The following NFX1 variants were observed in gnomAD, a reference collection of about 807,000 sequenced individuals.
NFX1 encodes nuclear transcription factor, X-box binding 1.
NFX1 carries 69 observed loss-of-function variants against 137.2 expected under a neutral mutation model. The ratio of observed to expected loss-of-function variants is 0.50; its 90% CI spans 0.41 to 0.61. The LOEUF (loss-of-function observed/expected upper bound fraction) is 0.61. Among genes scored for constraint, NFX1 ranks in the 20% least tolerant of loss-of-function variants. The pLI is 0.00. For synonymous variants in NFX1, 495 were observed against 474.1 expected (o/e 1.04, Z -0.57); for missense variants, 1,167 against 1,391.0 (o/e 0.84, Z 2.56).
At chr9:33,325,161 C>G (rs556676434) in intron 9 of NFX1, among the ~76,000 whole-genome samples, 44 of 151,936 alleles carry the variant, frequency 2.9e-4, no homozygotes, top group Non-Finnish European at 3.5e-4. Context: ...TCAGTAAACT[C>G]CAGGTAGGAA....
intron 9 of NFX1, among the ~76,000 whole-genome samples, chr9:33,320,273 A>G (rs1355426437): frequency 2.6e-5 from 4 of 151,834 alleles, no homozygotes; most frequent in Non-Finnish European, 5.9e-5. Context: ...CTGGATGAAT[A>G]TTTTTCTAAA....
chr9:33,317,285 G>A (rs1822196008), intron 7 of NFX1, among the ~76,000 whole-genome samples: 1 of 151,616 alleles, frequency 6.6e-6, no homozygotes, highest in Admixed American at 6.6e-5. Flanking sequence ...CAGGTGTAGT[G>A]GCACGCACCT....
intron 2 of NFX1, among the ~76,000 whole-genome samples, chr9:33,299,339 A>T (rs988443953): frequency 2.0e-5 from 3 of 152,172 alleles, no homozygotes; most frequent in Non-Finnish European, 4.4e-5. Context: ...CAGTTTCTTC[A>T]TCTTTCCTTT....
intron 19 of NFX1, among the ~76,000 whole-genome samples, chr9:33,361,210 A>G (rs1225626659): frequency 3.9e-5 from 6 of 152,326 alleles, no homozygotes; most frequent in Middle Eastern, 3.4e-3. Flanking sequence ...TTAGAAGACT[A>G]TGAGCCATGA....
Position 33,301,231 on chromosome 9 carries a change from TAATCTTTTTTGTTATTTTGTTTTTTAA to T in NFX1, c.1034-30_1034-4del, listed in dbSNP as rs765617069. On this transcript the variant is annotated splice_polypyrimidine_tract_variant and splice_region_variant and intron_variant, in intron 2 of 23. Coordinates refer to ENST00000379540, the MANE Select transcript of NFX1 (RefSeq NM_002504.6). ...GAGGAATGGTTTTTTGTGTTTGAGT[TAATCTTTTTTGTTATTTTGTTTTTTAA>T]ACAGGTTCTCTAATTGAACAACTAA... 1.9e-6 allele frequency: 3 copies of T among 1,597,534 alleles called. No homozygotes were observed. The African/African-American group carries it at 4.0e-5, about 22-fold the overall frequency.
rs561386439 is a variant in NFX1 at position 33,361,468 on chromosome 9, C to T, written c.2874-2542C>T. ...GAGACAATTTTGAATATAATAATGG[C>T]GGTACTTAAAATTATAGAGAAAGGC... On this transcript the variant is annotated intron_variant, in intron 19 of 23. Coordinates refer to ENST00000379540, the MANE Select transcript of NFX1 (RefSeq NM_002504.6). 5.3e-5 allele frequency among the ~76,000 whole-genome samples: 8 copies of T among 151,968 alleles called. No homozygotes were observed. The South Asian group carries it at 1.2e-3, about 24-fold the overall frequency.
intron 1 of NFX1, among the ~76,000 whole-genome samples, chr9:33,292,007 A>G (rs1428781265): frequency 6.6e-6 from 1 of 152,110 alleles, no homozygotes; most frequent in Admixed American, 6.5e-5. Flanking sequence ...GTATTTTGTT[A>G]TTCTCCTCAC....
intron 9 of NFX1, among the ~76,000 whole-genome samples, chr9:33,325,480 G>A (rs986536271): frequency 1.3e-5 from 2 of 152,064 alleles, no homozygotes; most frequent in African/African-American, 2.4e-5. Context: ...TGGCTAACAC[G>A]GTGAAACCCT....
At chr9:33,324,966 G>A (rs1822526808) in intron 9 of NFX1, among the ~76,000 whole-genome samples, 1 of 151,366 alleles carries the variant, frequency 6.6e-6, no homozygotes, top group South Asian at 2.1e-4. Flanking sequence ...ATAACCCAAC[G>A]GACAGAGAGA....
Position 33,302,459 on chromosome 9 carries a change from T to C in NFX1, c.1193-732T>C, listed in dbSNP as rs536548888. ...TCACTGCAGCCTTGAATTCCTGGAC[T>C]CAAATGATCCTCCTGCCTCAGACTC... On this transcript the variant is annotated intron_variant, in intron 3 of 23. Transcript: ENST00000379540. Among the ~76,000 whole-genome samples, 3 of 148,010 alleles carry C rather than the reference T, an allele frequency of 2.0e-5. No individual in the cohort carries two copies. The East Asian group carries it at 6.3e-4, about 31-fold the overall frequency.
intron 4 of NFX1, among the ~76,000 whole-genome samples, chr9:33,305,653 T>A (rs923458611): frequency 6.6e-6 from 1 of 152,106 alleles, no homozygotes; most frequent in Non-Finnish European, 1.5e-5. Context: ...CTAAGGAGTG[T>A]GATAGAAAAA....
intron 14 of NFX1, among the ~76,000 whole-genome samples, chr9:33,345,736 A>G (rs1343607803): frequency 3.9e-5 from 6 of 152,098 alleles, no homozygotes; most frequent in Non-Finnish European, 7.3e-5. Flanking sequence ...TTTAATTTCA[A>G]TTGAGTGTCC....
At position 33,351,685 on chromosome 9, in the gene NFX1, G is replaced by A; in HGVS notation, c.2550G>A (p.Glu850=). Residue 850 remains glutamate (E), a synonymous_variant, in exon 16 of 24, where the codon GAG becomes GAA. Transcript: ENST00000379540. ...LCHKGECLVD[E]PCKQPCTTPR... The stretch of plus-strand genomic sequence containing the variant: ...ACAAAGGGGAGTGTCTTGTGGATGA[G>A]CCCTGCAAGCAGCCCTGCACCACCC... 2 of 1,614,076 alleles carry A rather than the reference G, an allele frequency of 1.2e-6. No homozygotes were observed. The highest frequency in any genetic ancestry group is 1.7e-6 in the Non-Finnish European group (2 of 1,180,006).
chr9:33,297,966 G>T (rs947043014), intron 2 of NFX1, among the ~76,000 whole-genome samples: 1 of 152,152 alleles, frequency 6.6e-6, no homozygotes, highest in African/African-American at 2.4e-5. Context: ...CAAATCTCTT[G>T]GGGCCTTAAC....
chr9:33,358,600 A>G (rs560690181), intron 19 of NFX1, among the ~76,000 whole-genome samples: 44 of 151,286 alleles, frequency 2.9e-4, no homozygotes, highest in Admixed American at 1.4e-3. Flanking sequence ...TTCAGCAGGC[A>G]TAAAAATATA....
chr9:33,369,854 A>G lies in NFX1; in HGVS notation c.3291-52A>G, dbSNP rs1254539664. The G allele has an allele frequency of 5.8e-5, 76 of 1,311,016 alleles. 1 individual carries two copies. The highest frequency in any genetic ancestry group is 1.9e-4 in the Admixed American group (11 of 58,188). 81.2% of individuals were successfully genotyped at this position (1,311,016 alleles called of 1,614,324 possible). ...GATCCTTAACTTTCTGAAGTCCTGT[A>G]TCTGTTTCCCCCAAAGAAGAAAAGA... is the stretch of plus-strand genomic sequence containing the variant. On this transcript the variant is annotated intron_variant, in intron 23 of 23. Transcript: ENST00000379540.
chr9:33,369,064 T>C (rs890055681), intron 23 of NFX1, among the ~76,000 whole-genome samples: 1 of 152,076 alleles, frequency 6.6e-6, no homozygotes, highest in East Asian at 1.9e-4. Flanking sequence ...GCTATCTTTT[T>C]TCTTTTTTTC....
intron 2 of NFX1, among the ~76,000 whole-genome samples, chr9:33,300,987 G>A (rs955377357): frequency 2.0e-5 from 3 of 152,220 alleles, no homozygotes; most frequent in Non-Finnish European, 2.9e-5. Context: ...GTTACAAGGG[G>A]CATTTGGCTA....
rs772639464 is a variant in NFX1, at chr9:33,294,927, A to G, written c.533A>G (p.Tyr178Cys). 10 of 1,614,050 alleles carry G rather than the reference A, an allele frequency of 6.2e-6. No homozygotes were observed. Among genetic ancestry groups the G allele is most frequent in the South Asian group, 1.1e-5 (1 of 91,086 alleles). Reference sequence around the variant, plus strand: ...AAAGCAACACAGTTTGTATACAGCTATGGTAGAGGACCAAAAGTCAAGGGG... The same window carrying G: ...AAAGCAACACAGTTTGTATACAGCTGTGGTAGAGGACCAAAAGTCAAGGGG... ...PKKATQFVYS[Y>C]GRGPKVKGKL... is the part of the protein sequence containing the mutation. The change falls in exon 2 of 24, where the codon TAT becomes TGT. Residue 178 changes from tyrosine (Y) to cysteine (C), a missense_variant. Coordinates refer to ENST00000379540, the MANE Select transcript of NFX1 (RefSeq NM_002504.6).
Sources: allele counts gnomAD v4.1 joint callset (sites outside exome capture counted in the v4.1 genomes callset), GRCh38; gene constraint gnomAD v4.1.1; transcripts MANE v1.5; gene names NCBI Gene and HGNC (gene_info 2026-07-23, HGNC 2026-07-21).